Variants in VAV2 observed in about 807,000 individuals in gnomAD.
The protein encoded by VAV2 is guanine nucleotide exchange factor VAV2.
Under a neutral mutation model 132.5 loss-of-function variants are expected in VAV2, and 67 were observed. That is an observed-to-expected ratio of 0.51 (90% confidence interval 0.42 to 0.62). The LOEUF (loss-of-function observed/expected upper bound fraction) is 0.62. Among genes scored for constraint, VAV2 ranks in the 20% least tolerant of loss-of-function variants. The probability of loss-of-function intolerance (pLI) is 0.00; values close to 1 mark genes in which losing one functional copy is unlikely to be tolerated. For synonymous variants in VAV2, 492 were observed against 443.5 expected (o/e 1.11, Z -1.37); for missense variants, 938 against 1,153.6 (o/e 0.81, Z 2.71).
chr9:133,788,243 C>CCCAA lies in VAV2; in HGVS notation c.1407+110_1407+111insTTGG. 12 of 1,310,412 alleles carry CCCAA rather than the reference C, an allele frequency of 9.2e-6. No individual in the cohort carries two copies. The highest frequency in any genetic ancestry group is 1.5e-5 in the African/African-American group (1 of 68,230). The allele number at this position is 1,310,412 out of a possible 1,614,324, so 81.2% of individuals were successfully genotyped here. Reference sequence around the variant, plus strand: ...AGACGCCCACCCCAACCCACCCGGCCAGCATCAGCGGCTGACTTCGAGTCC... The same window carrying CCCAA: ...AGACGCCCACCCCAACCCACCCGGCCCCAAAGCATCAGCGGCTGACTTCGAGTCC... On this transcript the variant is annotated intron_variant, in intron 15 of 29. Coordinates refer to ENST00000371850, the MANE Select transcript of VAV2 (RefSeq NM_001134398.2). This position sits in a 1 kb window ranked among gnomAD's most constrained non-coding sequence, Gnocchi z 5.3.
chr9:133,809,186 C>T, intron 6 of VAV2, 48 bp from the exon 7 acceptor site: 1 of 1,529,582 alleles, frequency 6.5e-7, no homozygotes, highest in Non-Finnish European at 9.0e-7. Context: ...GCCCGGCCAC[C>T]TGCCACCTGC....
chr9:133,838,118 C>A, intron 3 of VAV2, among the ~76,000 whole-genome samples: 1 of 152,016 alleles, frequency 6.6e-6, no homozygotes, highest in East Asian at 2.0e-4. Context: ...GGCCCCAGTC[C>A]CCTTTCACTC....
intron 3 of VAV2, among the ~76,000 whole-genome samples, chr9:133,851,888 CATGGATGG>C (rs1179958105): frequency 1.9e-5 from 2 of 106,798 alleles, no homozygotes; most frequent in East Asian, 2.7e-4. Flanking sequence ...TGGATGGATG[CATGGATGG>C]ATGGATGGAT....
At chr9:133,856,221 A>C (rs527990078) in intron 3 of VAV2, among the ~76,000 whole-genome samples, 19 of 152,368 alleles carry the variant, frequency 1.2e-4, no homozygotes, top group South Asian at 6.2e-4. Flanking sequence ...GTGGTTGCAC[A>C]ACATGGTGAA....
rs188863406 is a variant in VAV2 at position 133,979,437 on chromosome 9, G to C, written c.204+12638C>G. On this transcript the variant is annotated intron_variant, in intron 1 of 29. Transcript: ENST00000371850. ...CACACACGAAGCCAGGCCCAGAGGA[G>C]ATGGGTCCCCAGGCAGGGGCTGCAT... Among the ~76,000 whole-genome samples, 751 of 152,242 alleles carry C rather than the reference G, an allele frequency of 4.9e-3. 8 individuals carry two copies. The highest frequency in any genetic ancestry group is 0.017 in the African/African-American group (701 of 41,520).
At chr9:133,915,457 T>C (rs923738850) in intron 2 of VAV2, among the ~76,000 whole-genome samples, 3 of 152,180 alleles carry the variant, frequency 2.0e-5, no homozygotes, top group African/African-American at 7.2e-5. Flanking sequence ...AAGTCTCTAC[T>C]GAAAAAAATG....
At chr9:133,874,729 T>G (rs577857482) in intron 2 of VAV2, among the ~76,000 whole-genome samples, 1 of 152,136 alleles carries the variant, frequency 6.6e-6, no homozygotes, top group East Asian at 1.9e-4. Context: ...GACCCTTCCC[T>G]CTTCCCAGAG....
intron 18 of VAV2, 60 bp from the exon 19 acceptor site, chr9:133,783,651 G>A: frequency 6.5e-7 from 1 of 1,536,808 alleles, no homozygotes; most frequent in Non-Finnish European, 9.0e-7. Context: ...ATGCCTCTCT[G>A]CCAAGGTCAA....
At chr9:133,946,434 C>T (rs556064716) in intron 1 of VAV2, among the ~76,000 whole-genome samples, 2 of 152,370 alleles carry the variant, frequency 1.3e-5, no homozygotes, top group South Asian at 2.1e-4. Context: ...CAGGCACTCT[C>T]TTTTCAAGCC....
At chr9:133,865,677 G>A (rs928260313) in intron 2 of VAV2, among the ~76,000 whole-genome samples, 1 of 152,056 alleles carries the variant, frequency 6.6e-6, no homozygotes, top group Non-Finnish European at 1.5e-5. Context: ...CTCATCGACT[G>A]CATCTGCTAG....
chr9:133,896,512 C>T (rs1432928738), intron 2 of VAV2, among the ~76,000 whole-genome samples: 1 of 152,108 alleles, frequency 6.6e-6, no homozygotes, highest in Non-Finnish European at 1.5e-5. Flanking sequence ...TAGAGCAGGT[C>T]GAAACGTGGG....
chr9:133,964,819 C>A (rs1842093660), intron 1 of VAV2, among the ~76,000 whole-genome samples: 1 of 152,126 alleles, frequency 6.6e-6, no homozygotes, highest in South Asian at 2.1e-4. Context: ...AAGGAGCACT[C>A]CTCTACACAA....
intron 2 of VAV2, among the ~76,000 whole-genome samples, chr9:133,869,119 C>T (rs1837924937): frequency 6.6e-6 from 1 of 152,106 alleles, no homozygotes; most frequent in Non-Finnish European, 1.5e-5. Flanking sequence ...GCCTCAGCCG[C>T]CTGAGTAGCT....
chr9:133,914,359 A>G (rs865986796), intron 2 of VAV2, among the ~76,000 whole-genome samples: 2 of 152,000 alleles, frequency 1.3e-5, no homozygotes, highest in Non-Finnish European at 2.9e-5. Flanking sequence ...CAAGAAATGT[A>G]GACACCCCAA....
At chr9:133,772,954 A>G (rs1833685227) in intron 25 of VAV2, among the ~76,000 whole-genome samples, 1 of 95,596 alleles carries the variant, frequency 1.0e-5, no homozygotes, top group Non-Finnish European at 2.6e-5. Flanking sequence ...TGAATGATGG[A>G]GCCTACTGCA....
chr9:133,777,021 C>T (rs955280234), intron 23 of VAV2, among the ~76,000 whole-genome samples: 1 of 152,146 alleles, frequency 6.6e-6, no homozygotes, highest in African/African-American at 2.4e-5. Context: ...TTGAGGGGAG[C>T]CTTTTTTTCT....
At chr9:133,789,979 G>A (rs1038982831) in intron 13 of VAV2, among the ~76,000 whole-genome samples, 3 of 152,236 alleles carry the variant, frequency 2.0e-5, no homozygotes, top group Non-Finnish European at 4.4e-5. Context: ...TCGAGGCACA[G>A]GCTCAGTGTC....
intron 3 of VAV2, among the ~76,000 whole-genome samples, chr9:133,844,485 C>T (rs952293410): frequency 2.0e-5 from 3 of 152,332 alleles, no homozygotes; most frequent in East Asian, 3.9e-4. Context: ...AGGGGCGTTG[C>T]GGCCCACAGG....
intron 3 of VAV2, among the ~76,000 whole-genome samples, chr9:133,842,954 G>A (rs1210662909): frequency 6.6e-6 from 1 of 152,208 alleles, no homozygotes; most frequent in Non-Finnish European, 1.5e-5. Flanking sequence ...TCACCTGGGT[G>A]CCGCCTTCTA....
Sources: gnomAD v4.1 joint callset for allele counts (sites outside exome capture counted in the v4.1 genomes callset) on GRCh38, gnomAD v4.1.1 for gene constraint, Gnocchi (gnomAD v3.1) non-coding constraint, MANE v1.5 for transcripts, NCBI Gene and HGNC (gene_info 2026-07-23, HGNC 2026-07-21) for gene names.